The following SUFU variants were observed in gnomAD, a reference collection of about 807,000 sequenced individuals.
The protein encoded by SUFU is SUFU negative regulator of hedgehog signaling.
A neutral mutation model predicts 58.9 loss-of-function variants in SUFU; 7 were observed. The observed-to-expected ratio is 0.12, with a 90% CI of 0.07 to 0.22. The LOEUF is 0.22. Among genes scored for constraint, SUFU ranks in the 10% least tolerant of loss-of-function variants. The pLI, the probability that SUFU is intolerant of heterozygous loss-of-function variation, is 1.00. For missense variants in SUFU, 451 were observed against 641.3 expected (o/e 0.70, Z 3.20); for synonymous variants, 232 against 254.8 (o/e 0.91, Z 0.85).
intron 6 of SUFU, among the ~76,000 whole-genome samples, chr10:102,595,923 T>C (rs1383975457): frequency 6.6e-6 from 1 of 152,218 alleles, no homozygotes; most frequent in African/African-American, 2.4e-5. Context: ...AAGAATTGTC[T>C]GTCTGCAACT....
intron 3 of SUFU, among the ~76,000 whole-genome samples, chr10:102,581,154 T>C (rs1367656055): frequency 8.0e-6 from 1 of 124,398 alleles, no homozygotes; most frequent in East Asian, 2.3e-4. Flanking sequence ...CACTCCAGCC[T>C]GGGCGACAGA....
chr10:102,620,512 A>G (rs1367947365), intron 10 of SUFU, among the ~76,000 whole-genome samples: 2 of 152,170 alleles, frequency 1.3e-5, no homozygotes, highest in African/African-American at 4.8e-5. Context: ...TCCCTGCTTT[A>G]TGGAGGATCT....
chr10:102,518,514 T>C (rs987392648), intron 2 of SUFU, among the ~76,000 whole-genome samples: 7 of 86,624 alleles, frequency 8.1e-5, no homozygotes, highest in African/African-American at 2.8e-4. Context: ...ACTGTCTGTC[T>C]GTCTGTCTAT....
rs36020604 is a variant in SUFU, at chr10:102,520,212, CTTTTTTTTTT to C, written c.317+10922_317+10931del. On this transcript the variant is annotated intron_variant, in intron 2 of 11. Transcript: ENST00000369902. ...TGTGTTGTACAGTTCTTTTTTCTTT[CTTTTTTTTTT>C]TTTTTTTTTTTTGAGGCAGAGTTTC... Among the ~76,000 whole-genome samples, 21 of 113,540 alleles carry C rather than the reference CTTTTTTTTTT, an allele frequency of 1.8e-4. 1 individual carries two copies. Among genetic ancestry groups the C allele is most frequent in the African/African-American group, 6.9e-4 (21 of 30,626 alleles). The allele number at this position is 113,540 out of a possible 152,430, so 74.5% of individuals were successfully genotyped here. A position where few individuals can be genotyped will look rare whatever the true frequency, so the allele number is the denominator to read the frequency against.
intron 1 of SUFU, among the ~76,000 whole-genome samples, chr10:102,507,961 ATTTT>A (rs3061832): frequency 8.6e-5 from 10 of 116,570 alleles, no homozygotes; most frequent in Admixed American, 1.8e-4. Flanking sequence ...TTTCTTATCC[ATTTT>A]TTTTTTTTTT....
chr10:102,539,521 G>A (rs2062776359), intron 2 of SUFU, among the ~76,000 whole-genome samples: 1 of 152,274 alleles, frequency 6.6e-6, no homozygotes, highest in Admixed American at 6.5e-5. Context: ...CTTGTGGGAA[G>A]GCATTTTGAG....
At chr10:102,574,943 C>A (rs2063198594) in intron 3 of SUFU, among the ~76,000 whole-genome samples, 1 of 152,008 alleles carries the variant, frequency 6.6e-6, no homozygotes, top group Non-Finnish European at 1.5e-5. Flanking sequence ...GTAGTCCCAG[C>A]TACTCAGGAG....
chr10:102,549,826 C>A, intron 2 of SUFU, 144 bp from the exon 3 acceptor site: 1 of 1,057,886 alleles, frequency 9.5e-7, no homozygotes. Context: ...TCCCTCCCCA[C>A]AAGGCTCACA....
intron 2 of SUFU, among the ~76,000 whole-genome samples, chr10:102,533,204 T>G (rs1182182234): frequency 6.6e-6 from 1 of 152,154 alleles, no homozygotes; most frequent in Non-Finnish European, 1.5e-5. Context: ...AAAATTAGTG[T>G]CTTGGAACAA....
Position 102,504,239 on chromosome 10 carries a change from C to G in SUFU, c.87C>G (p.Leu29=). Residue 29 remains leucine (L), a synonymous_variant, in exon 1 of 12, where the codon CTC becomes CTG. Coordinates refer to ENST00000369902, the MANE Select transcript of SUFU (RefSeq NM_016169.4). The part of the protein sequence containing the change: ...GPTAPPAFAS[L]FPPGLHAIYG... ...CTGCCCCCCCGGCCTTCGCTTCGCTCTTTCCCCCGGGACTGCACGCCATCT... is the reference window on the plus strand; with the variant it reads ...CTGCCCCCCCGGCCTTCGCTTCGCTGTTTCCCCCGGGACTGCACGCCATCT... 1 of 1,613,468 alleles carries G rather than the reference C, an allele frequency of 6.2e-7. No individual in the cohort carries two copies. The highest frequency in any genetic ancestry group is 8.5e-7 in the Non-Finnish European group (1 of 1,179,840).
At chr10:102,520,565 G>A (rs1368871623) in intron 2 of SUFU, among the ~76,000 whole-genome samples, 2 of 152,076 alleles carry the variant, frequency 1.3e-5, no homozygotes, top group Non-Finnish European at 2.9e-5. Context: ...TACCATCACA[G>A]CACCATACAA....
At chr10:102,592,560 G>T in intron 3 of SUFU, 22 bp from the exon 4 acceptor site, 8 of 1,613,654 alleles carry the variant, frequency 5.0e-6, no homozygotes, top group Non-Finnish European at 6.8e-6. Context: ...GAACAATGAG[G>T]ATCCTTGTAT....
Position 102,549,948 on chromosome 10 carries a change from AC to A in SUFU, c.318-21del, listed in dbSNP as rs746606062. The A allele has an allele frequency of 2.9e-5, 47 of 1,614,022 alleles. No individual in the cohort carries two copies. The African/African-American group carries it at 4.8e-4, about 17-fold the overall frequency. On this transcript the variant is annotated intron_variant, in intron 2 of 11. Coordinates refer to ENST00000369902, the MANE Select transcript of SUFU (RefSeq NM_016169.4). ...TTCCTAAGGTAATTGAGCTTAAAAC[AC>A]TTGCTTTTTATGTCTTTCAGGTTTA...
chr10:102,506,047 A>G (rs1659536997), intron 1 of SUFU, among the ~76,000 whole-genome samples: 1 of 145,558 alleles, frequency 6.9e-6, no homozygotes, highest in Non-Finnish European at 1.5e-5. Context: ...TTGAAAAAAA[A>G]AAAAAAAAAA....
intron 3 of SUFU, among the ~76,000 whole-genome samples, chr10:102,559,325 G>A (rs1208256958): frequency 6.6e-6 from 1 of 152,010 alleles, no homozygotes; most frequent in Non-Finnish European, 1.5e-5. Context: ...CAAAATTGGG[G>A]TTCTGTTAGT....
chr10:102,519,492 A>G (rs1231670099), intron 2 of SUFU, among the ~76,000 whole-genome samples: 3 of 143,622 alleles, frequency 2.1e-5, no homozygotes, highest in Non-Finnish European at 4.5e-5. Flanking sequence ...ATGCCATTGC[A>G]CTCCAGCTTT....
chr10:102,586,409 T>C (rs10444069), intron 3 of SUFU, among the ~76,000 whole-genome samples: 68,754 of 151,672 alleles, frequency 0.45, 15,976 homozygotes, highest in East Asian at 0.68. Context: ...CACGGTGGCT[T>C]ACGCCTGTAA....
intron 2 of SUFU, among the ~76,000 whole-genome samples, chr10:102,535,153 G>T (rs1267595955): frequency 1.3e-5 from 2 of 152,162 alleles, no homozygotes; most frequent in African/African-American, 2.4e-5. Context: ...TCTCCATCCA[G>T]CCTGGGACCA....
intron 10 of SUFU, chr10:102,618,972 G>GTA: frequency 1.1e-6 from 1 of 903,406 alleles, no homozygotes; most frequent in Non-Finnish European, 1.9e-6. Context: ...GTGTGTGTGT[G>GTA]TGTGTGTAAT....
Sources: gnomAD v4.1 joint callset for allele counts (sites outside exome capture counted in the v4.1 genomes callset) on GRCh38, gnomAD v4.1.1 for gene constraint, MANE v1.5 for transcripts, NCBI Gene and HGNC (gene_info 2026-07-23, HGNC 2026-07-21) for gene names.